The following USP38 variants were observed in gnomAD, a reference collection of about 807,000 sequenced individuals.
USP38 encodes ubiquitin specific peptidase 38, also known as ubiquitin carboxyl-terminal hydrolase 38.
Under a neutral mutation model 94.3 loss-of-function variants are expected in USP38, and 49 were observed. The ratio of observed to expected loss-of-function variants is 0.52; its 90% CI spans 0.41 to 0.66. The LOEUF is 0.66. Among genes scored for constraint, USP38 ranks in the 30% least tolerant of loss-of-function variants. The probability of loss-of-function intolerance (pLI) is 0.00; values close to 1 mark genes in which losing one functional copy is unlikely to be tolerated. For synonymous variants in USP38, 468 were observed against 463.6 expected, an observed-to-expected ratio of 1.01 and a Z score of -0.12; for missense variants, 1,128 against 1,229.4, an observed-to-expected ratio of 0.92 and a Z score of 1.23.
chr4:143,218,585 A>G (rs1319007857), intron 9 of USP38, among the ~76,000 whole-genome samples: 1 of 152,140 alleles, frequency 6.6e-6, no homozygotes, highest in African/African-American at 2.4e-5. Flanking sequence ...GATGTTGTAT[A>G]TCTTGAAATA....
chr4:143,187,743 T>G, intron 1 of USP38, 83 bp from the exon 2 acceptor site: 2 of 691,014 alleles, frequency 2.9e-6, no homozygotes, highest in South Asian at 7.1e-5. Flanking sequence ...CTGCAATGAC[T>G]TTTTTTTTTT....
chr4:143,187,742 CT>C (rs927134272), intron 1 of USP38, 83 bp from the exon 2 acceptor site: 40,384 of 959,074 alleles, frequency 0.042, 5 homozygotes, highest in South Asian at 0.063. Context: ...GCTGCAATGA[CT>C]TTTTTTTTTT....
At chr4:143,215,262 A>T in intron 9 of USP38, 1 of 283,664 alleles carries the variant, frequency 3.5e-6, no homozygotes, top group Non-Finnish European at 6.7e-6. Context: ...TCTCAGCCTC[A>T]CCCACCAGAG....
chr4:143,209,697 C>A, intron 7 of USP38, 40 bp downstream of exon 7: 5 of 1,283,012 alleles, frequency 3.9e-6, no homozygotes, highest in Non-Finnish European at 4.4e-6. Context: ...ATGTTAACTG[C>A]GTGGTAATAT....
In USP38 at chr4:143,214,324, A is replaced by G. The variant is rs749024347; in HGVS notation, c.2348A>G (p.Asn783Ser). The change falls in exon 9 of 10, where the codon AAT becomes AGT. Residue 783 changes from asparagine to serine, a missense_variant. Coordinates refer to ENST00000307017, the MANE Select transcript of USP38 (RefSeq NM_032557.6). ...CATGTGAGAAGGAAAATTTTAGACAATGTATCACTGCCACTGGTTTTGGAG... is the reference window on the plus strand; with the variant it reads ...CATGTGAGAAGGAAAATTTTAGACAGTGTATCACTGCCACTGGTTTTGGAG... Reference protein sequence around the residue: ...KYHVRRKILDNVSLPLVLELP... With the variant: ...KYHVRRKILDSVSLPLVLELP... 7.4e-6 allele frequency: 12 copies of G among 1,612,960 alleles called. No individual in the cohort carries two copies. Among genetic ancestry groups the G allele is most frequent in the East Asian group, 2.2e-5 (1 of 44,862 alleles).
rs370004490 is a variant in USP38 at position 143,185,415 on chromosome 4, C to G, written c.-36C>G. On this transcript the variant is annotated 5_prime_UTR_variant, in exon 1 of 10. Coordinates refer to ENST00000307017, the MANE Select transcript of USP38 (RefSeq NM_032557.6). ...ACCTCGGGGCTGCCGCCACCCGCTC[C>G]TTATCCCCTGGCCCTGGCCTTGCAG... The G allele has an allele frequency of 1.3e-6, 2 of 1,537,370 alleles. No individual in the cohort carries two copies. Among genetic ancestry groups the G allele is most frequent in the Non-Finnish European group, 1.8e-6 (2 of 1,140,488 alleles).
intron 6 of USP38, among the ~76,000 whole-genome samples, chr4:143,207,023 C>G (rs1317583025): frequency 1.3e-5 from 2 of 152,184 alleles, no homozygotes; most frequent in African/African-American, 2.4e-5. Context: ...AATCCATTTT[C>G]TTTTGCACCT....
intron 2 of USP38, 87 bp downstream of exon 2, chr4:143,188,048 A>T: frequency 1.4e-6 from 2 of 1,427,876 alleles, no homozygotes; most frequent in Admixed American, 2.4e-5. Flanking sequence ...AAAACTTACG[A>T]ATGTTTAAAA....
chr4:143,213,597 A>G lies in USP38; in HGVS notation c.1621A>G (p.Lys541Glu). 1 of 1,603,718 alleles carries G rather than the reference A, an allele frequency of 6.2e-7. No individual in the cohort carries two copies. The highest frequency in any genetic ancestry group is 8.5e-7 in the Non-Finnish European group (1 of 1,176,460). ...CTGCTGCAGGCTCCATGAAGAAGAA[A>G]AGATCTTGAAAGTTCAGGCCTCACA... is the stretch of plus-strand genomic sequence containing the variant. ...FLLDRLHEEE[K>E]ILKVQASHKP... is the part of the protein sequence containing the mutation. The change falls in exon 9 of 10, where the codon AAG becomes GAG. Residue 541 changes from lysine to glutamate, a missense_variant. Transcript: ENST00000307017.
chr4:143,193,437 C>CAT (rs1200783322), intron 2 of USP38, among the ~76,000 whole-genome samples: 1 of 152,162 alleles, frequency 6.6e-6, no homozygotes, highest in Non-Finnish European at 1.5e-5. Flanking sequence ...TACACATATG[C>CAT]AAGTGTGTCT....
chr4:143,186,264 C>A, intron 1 of USP38, 132 bp downstream of exon 1: 1 of 882,318 alleles, frequency 1.1e-6, no homozygotes, highest in Non-Finnish European at 1.7e-6. Context: ...AATACCTCAT[C>A]CCAAATTTAT....
intron 2 of USP38, among the ~76,000 whole-genome samples, chr4:143,188,612 A>G (rs1731301262): frequency 6.6e-6 from 1 of 151,932 alleles, no homozygotes; most frequent in Non-Finnish European, 1.5e-5. Context: ...TTATTCTTGC[A>G]TTTCTAGGTA....
At chr4:143,205,997 T>C in intron 5 of USP38, 36 bp from the exon 6 acceptor site, 1 of 1,401,470 alleles carries the variant, frequency 7.1e-7, no homozygotes, top group Non-Finnish European at 9.5e-7. Context: ...ATTTTTACTT[T>C]ACTTTTAAAC....
chr4:143,185,947 C>T lies in USP38; in HGVS notation c.497C>T (p.Thr166Met), dbSNP rs1311818655. 3.1e-6 allele frequency: 5 copies of T among 1,614,166 alleles called. No individual in the cohort carries two copies. The South Asian group carries it at 5.5e-5, about 18-fold the overall frequency. ...ATCCCCAAGGGGAAATTGTCCATCA[C>T]GTTCTGTCAACAGCTGGTTCGAACG... ...QCIPKGKLSI[T>M]FCQQLVRTIG... Residue 166 changes from threonine to methionine, a missense_variant, in exon 1 of 10, where the codon ACG becomes ATG. Physicochemically the swap from Thr to Met is moderately conservative, Grantham distance 81. Transcript: ENST00000307017.
intron 4 of USP38, among the ~76,000 whole-genome samples, chr4:143,199,301 C>T (rs1027179357): frequency 5.3e-5 from 8 of 152,070 alleles, no homozygotes; most frequent in Non-Finnish European, 1.2e-4. Context: ...CATCCGTGTT[C>T]CCGCAGAAGA....
chr4:143,209,685 T>A, intron 7 of USP38, 28 bp downstream of exon 7: 1 of 1,378,974 alleles, frequency 7.3e-7, no homozygotes, highest in Non-Finnish European at 1.0e-6. Context: ...TATAGTACGT[T>A]TATGTTAACT....
chr4:143,213,885 T>A lies in USP38; in HGVS notation c.1909T>A (p.Ser637Thr), dbSNP rs765809344. 2 of 1,613,850 alleles carry A rather than the reference T, an allele frequency of 1.2e-6. No homozygotes were observed. The highest frequency in any genetic ancestry group is 2.2e-5 in the South Asian group (2 of 91,078). ...CATGTCTGTCCAAGATCCAGCATCATCACCCAGTATACAAGATGGTGGTCT... is the reference window on the plus strand; with the variant it reads ...CATGTCTGTCCAAGATCCAGCATCAACACCCAGTATACAAGATGGTGGTCT... Reference protein sequence around the residue: ...ENMSVQDPASSPSIQDGGLMQ... With the variant: ...ENMSVQDPASTPSIQDGGLMQ... Residue 637 changes from serine (S) to threonine (T), a missense_variant, in exon 9 of 10, where the codon TCA (serine) becomes ACA (threonine). Coordinates refer to ENST00000307017, the MANE Select transcript of USP38 (RefSeq NM_032557.6).
chr4:143,214,853 C>T lies in USP38; in HGVS notation c.2877C>T (p.Asn959=), dbSNP rs765192689. 19 of 1,613,406 alleles carry T rather than the reference C, an allele frequency of 1.2e-5. No homozygotes were observed. Among genetic ancestry groups the T allele is most frequent in the Non-Finnish European group, 1.6e-5 (19 of 1,179,714 alleles). Reference sequence around the variant, plus strand: ...GTACTAATGGTTTAAGTGGTAATAACCCAACCAGTGGACTCTGGATAAATG... The same window carrying T: ...GTACTAATGGTTTAAGTGGTAATAATCCAACCAGTGGACTCTGGATAAATG... The part of the protein sequence containing the change: ...QHSTNGLSGN[N]PTSGLWINGD... The change falls in exon 9 of 10, where the codon AAC becomes AAT. Residue 959 remains asparagine (N), a synonymous_variant. Coordinates refer to ENST00000307017, the MANE Select transcript of USP38 (RefSeq NM_032557.6).
intron 9 of USP38, among the ~76,000 whole-genome samples, chr4:143,217,951 G>A (rs1017816579): frequency 4.6e-5 from 7 of 151,992 alleles, no homozygotes; most frequent in Admixed American, 6.6e-5. Flanking sequence ...GCTTCCATTA[G>A]GAGTATCTCC....
Sources: allele counts gnomAD v4.1 joint callset (sites outside exome capture counted in the v4.1 genomes callset), GRCh38; gene constraint gnomAD v4.1.1; transcripts MANE v1.5; gene names NCBI Gene and HGNC (gene_info 2026-07-23, HGNC 2026-07-21).